The following ADGRB3 variants were observed in gnomAD, a reference collection of about 807,000 sequenced individuals.
The protein encoded by ADGRB3 is brain-specific angiogenesis inhibitor 3.
In ADGRB3, 37 loss-of-function variants were observed where a neutral mutation model predicts 193.4. The observed-to-expected ratio is 0.19, with a 90% CI of 0.15 to 0.25. The LOEUF (loss-of-function observed/expected upper bound fraction) is 0.25, where lower values mean the gene tolerates loss of function less well. Among genes scored for constraint, ADGRB3 ranks in the 10% least tolerant of loss-of-function variants. ADGRB3 has a pLI of 1.00. For synonymous variants in ADGRB3, 690 were observed against 644.2 expected (o/e 1.07, Z -1.08); for missense variants, 1,637 against 1,852.9 (o/e 0.88, Z 2.14).
At chr6:68,743,340 T>C (rs1323803008) in intron 3 of ADGRB3, among the ~76,000 whole-genome samples, 22 of 128,532 alleles carry the variant, frequency 1.7e-4, no homozygotes, top group Admixed American at 1.6e-3. Flanking sequence ...ATCTTCTACT[T>C]GTTTTTTTTT....
chr6:68,872,808 T>C (rs183933497), intron 3 of ADGRB3, among the ~76,000 whole-genome samples: 249 of 152,244 alleles, frequency 1.6e-3, no homozygotes, highest in African/African-American at 5.9e-3. Flanking sequence ...TTAGCTGCTC[T>C]GAACAGGAAA....
chr6:68,808,432 T>A (rs948517970), intron 3 of ADGRB3, among the ~76,000 whole-genome samples: 1 of 152,130 alleles, frequency 6.6e-6, no homozygotes, highest in Non-Finnish European at 1.5e-5. Context: ...AGACCTTTTT[T>A]TTTTTTTTGC....
intron 20 of ADGRB3, among the ~76,000 whole-genome samples, chr6:69,268,272 C>T (rs1410500905): frequency 1.3e-5 from 2 of 151,960 alleles, no homozygotes; most frequent in African/African-American, 4.8e-5. Context: ...ATTTTGAAAT[C>T]CAAGTTAATA....
chr6:69,204,865 G>A (rs1020666332), intron 17 of ADGRB3, among the ~76,000 whole-genome samples: 8 of 151,928 alleles, frequency 5.3e-5, no homozygotes, highest in Non-Finnish European at 8.8e-5. Flanking sequence ...AATATGAGTG[G>A]ACAATGTTAA....
rs971013100 is a variant in ADGRB3, at chr6:68,689,952, C to G, written c.757+50520C>G. 5.9e-5 allele frequency among the ~76,000 whole-genome samples: 9 copies of G among 152,142 alleles called. No homozygotes were observed. In the East Asian group the frequency reaches 1.7e-3, roughly 29 times the overall value. On this transcript the variant is annotated intron_variant, in intron 3 of 31. Transcript: ENST00000370598. Reference sequence around the variant, plus strand: ...ATATTTTGTCATTCTGGTCATTATACTCACAACTCCTGCATCAATAACTTC... The same window carrying G: ...ATATTTTGTCATTCTGGTCATTATAGTCACAACTCCTGCATCAATAACTTC...
At chr6:68,675,804 C>T (rs999506989) in intron 3 of ADGRB3, among the ~76,000 whole-genome samples, 1 of 152,122 alleles carries the variant, frequency 6.6e-6, no homozygotes, top group African/African-American at 2.4e-5. Context: ...TCTCATTTCT[C>T]CCTAGTGGCG....
At chr6:68,772,889 AAAAAAAT>A (rs1377132366) in intron 3 of ADGRB3, among the ~76,000 whole-genome samples, 71 of 43,578 alleles carry the variant, frequency 1.6e-3, no homozygotes, top group East Asian at 0.014. Context: ...AAACAAAAAA[AAAAAAAT>A]ATATATATAT....
At chr6:68,788,036 T>C (rs1323332204) in intron 3 of ADGRB3, among the ~76,000 whole-genome samples, 3 of 152,028 alleles carry the variant, frequency 2.0e-5, no homozygotes, top group African/African-American at 7.2e-5. Context: ...CTATTTGATT[T>C]TTCTCTCTTT....
chr6:68,728,626 CAGATGT>C (rs1316595598), intron 3 of ADGRB3, among the ~76,000 whole-genome samples: 1 of 151,450 alleles, frequency 6.6e-6, no homozygotes, highest in Non-Finnish European at 1.5e-5. Flanking sequence ...GATATATATA[CAGATGT>C]AGATATAGAT....
intron 3 of ADGRB3, among the ~76,000 whole-genome samples, chr6:68,846,990 T>C (rs1036522638): frequency 2.0e-5 from 3 of 152,176 alleles, no homozygotes; most frequent in Non-Finnish European, 4.4e-5. Context: ...AGGCTGGAGC[T>C]GCCCAAGACC....
At chr6:68,758,175 T>A (rs1272332801) in intron 3 of ADGRB3, among the ~76,000 whole-genome samples, 1 of 152,058 alleles carries the variant, frequency 6.6e-6, no homozygotes, top group Admixed American at 6.6e-5. Flanking sequence ...GCTGTTAAGA[T>A]TAGAGGTAAT....
intron 20 of ADGRB3, among the ~76,000 whole-genome samples, chr6:69,250,130 G>A (rs1163738968): frequency 1.3e-5 from 2 of 152,142 alleles, no homozygotes; most frequent in Non-Finnish European, 2.9e-5. Flanking sequence ...CTCTATAGAT[G>A]TGTCTTTGGT....
At chr6:68,786,460 T>C (rs1169006127) in intron 3 of ADGRB3, among the ~76,000 whole-genome samples, 4 of 152,198 alleles carry the variant, frequency 2.6e-5, no homozygotes, top group Non-Finnish European at 5.9e-5. Context: ...GATCAGATAG[T>C]TGTAGATATG....
At chr6:68,934,939 A>G (rs1767442390) in intron 4 of ADGRB3, among the ~76,000 whole-genome samples, 1 of 152,206 alleles carries the variant, frequency 6.6e-6, no homozygotes, top group Non-Finnish European at 1.5e-5. Context: ...CATTATTTTC[A>G]AGTCACATTG....
At chr6:68,932,558 T>A (rs1394433823) in intron 4 of ADGRB3, among the ~76,000 whole-genome samples, 1 of 151,984 alleles carries the variant, frequency 6.6e-6, no homozygotes, top group Non-Finnish European at 1.5e-5. Flanking sequence ...ACAATTATAA[T>A]GTGAAAAAGA....
chr6:69,353,861 C>G (rs553127011), intron 26 of ADGRB3, among the ~76,000 whole-genome samples: 1 of 152,006 alleles, frequency 6.6e-6, no homozygotes, highest in Admixed American at 6.6e-5. Flanking sequence ...GTCAGAAGTT[C>G]GAGACCAGCC....
At chr6:68,659,103 A>G (rs1041261004) in intron 3 of ADGRB3, among the ~76,000 whole-genome samples, 4 of 151,074 alleles carry the variant, frequency 2.6e-5, no homozygotes, top group Admixed American at 6.6e-5. Flanking sequence ...AGAACCAAAA[A>G]TAAATATCCT....
chr6:68,840,573 G>T (rs1032152965), intron 3 of ADGRB3, among the ~76,000 whole-genome samples: 1 of 151,624 alleles, frequency 6.6e-6, no homozygotes, highest in African/African-American at 2.4e-5. Context: ...CTGCCATGGG[G>T]AGACTCCTCT....
chr6:68,862,995 T>A (rs1030582918), intron 3 of ADGRB3, among the ~76,000 whole-genome samples: 2 of 152,320 alleles, frequency 1.3e-5, no homozygotes, highest in East Asian at 3.9e-4. Context: ...ATGAAAATGC[T>A]ATTCACAGCT....
Sources: gnomAD v4.1 joint callset for allele counts (sites outside exome capture counted in the v4.1 genomes callset) on GRCh38, gnomAD v4.1.1 for gene constraint, MANE v1.5 for transcripts, NCBI Gene and HGNC (gene_info 2026-07-23, HGNC 2026-07-21) for gene names.